Variants in RIPK1 observed in about 807,000 individuals in gnomAD.
RIPK1 encodes the protein receptor-interacting serine/threonine-protein kinase 1.
RIPK1 carries 27 observed loss-of-function variants against 62.4 expected under a neutral mutation model. The ratio of observed to expected loss-of-function variants is 0.43; its 90% CI spans 0.32 to 0.60. The LOEUF (loss-of-function observed/expected upper bound fraction) is 0.60. Ranked by LOEUF, RIPK1 falls within the 20% of genes least tolerant of loss-of-function variation. The pLI, the probability that RIPK1 is intolerant of heterozygous loss-of-function variation, is 0.07. For synonymous variants in RIPK1, 287 were observed against 303.2 expected (o/e 0.95, Z 0.55); for missense variants, 735 against 831.0 (o/e 0.88, Z 1.42).
At chr6:3,106,133 T>G in intron 9 of RIPK1, 82 bp downstream of exon 9, 4 of 1,101,494 alleles carry the variant, frequency 3.6e-6, no homozygotes, top group Non-Finnish European at 5.2e-6. Flanking sequence ...TATTATAGAT[T>G]GTGGGTTATA....
intron 6 of RIPK1, among the ~76,000 whole-genome samples, chr6:3,089,271 C>T (rs1759888595): frequency 6.6e-6 from 1 of 152,194 alleles, no homozygotes; most frequent in Admixed American, 6.5e-5. Flanking sequence ...TCGCCCATCC[C>T]TGTTCAGCTG....
intron 1 of RIPK1, among the ~76,000 whole-genome samples, chr6:3,073,410 A>G (rs2113557550): frequency 6.6e-6 from 1 of 152,196 alleles, no homozygotes; most frequent in East Asian, 1.9e-4. Context: ...TAAGTGCCCC[A>G]AGGTCACAGG....
At chr6:3,079,806 G>C (rs1259935894) in intron 3 of RIPK1, among the ~76,000 whole-genome samples, 3 of 152,206 alleles carry the variant, frequency 2.0e-5, no homozygotes, top group Non-Finnish European at 2.9e-5. Flanking sequence ...TCAGCTGTTT[G>C]AAGTAAACAT....
At chr6:3,070,611 T>A (rs1758660495) in intron 1 of RIPK1, among the ~76,000 whole-genome samples, 1 of 152,212 alleles carries the variant, frequency 6.6e-6, no homozygotes, top group Non-Finnish European at 1.5e-5. Context: ...CTAATTTTTG[T>A]ATTTTTAGTA....
intron 5 of RIPK1, among the ~76,000 whole-genome samples, chr6:3,084,567 T>A (rs909404589): frequency 4.7e-5 from 7 of 150,318 alleles, no homozygotes; most frequent in Non-Finnish European, 1.0e-4. Flanking sequence ...GTCAGGTTTG[T>A]GCTACTGGAA....
intron 4 of RIPK1, among the ~76,000 whole-genome samples, chr6:3,082,236 T>C (rs1279493539): frequency 6.6e-6 from 1 of 152,220 alleles, no homozygotes; most frequent in African/African-American, 2.4e-5. Flanking sequence ...TAGCGCTTTG[T>C]CCTAGTCTTG....
intron 2 of RIPK1, 93 bp downstream of exon 2, chr6:3,077,080 G>A (rs1381581759): frequency 7.2e-6 from 9 of 1,251,332 alleles, no homozygotes; most frequent in Non-Finnish European, 9.9e-6. Flanking sequence ...AGCCGTTGGT[G>A]GGTAGAGTGA....
intron 1 of RIPK1, 68 bp from the exon 2 acceptor site, chr6:3,076,696 A>AT (rs1554113472): frequency 0.69 from 165,025 of 238,128 alleles, 60,574 homozygotes; most frequent in Admixed American, 0.76. Context: ...AGAAAAAAAA[A>AT]AACATATATA....
At chr6:3,073,999 T>C (rs1386600628) in intron 1 of RIPK1, among the ~76,000 whole-genome samples, 1 of 152,192 alleles carries the variant, frequency 6.6e-6, no homozygotes, top group East Asian at 1.9e-4. Flanking sequence ...TCAGTACACA[T>C]CTCGAAATAC....
upstream of RIPK1, among the ~76,000 whole-genome samples, chr6:3,066,109 C>T (rs540045378): frequency 4.6e-5 from 7 of 152,170 alleles, no homozygotes; most frequent in African/African-American, 1.7e-4. Flanking sequence ...CTGCAACCTC[C>T]GCCTTCTGGG....
chr6:3,065,091 A>G (rs1196887680), upstream of RIPK1, among the ~76,000 whole-genome samples: 1 of 151,686 alleles, frequency 6.6e-6, no homozygotes, highest in African/African-American at 2.4e-5. Context: ...AAAAAAGAAA[A>G]AAAAGAATAC....
In RIPK1 at chr6:3,072,566, A is replaced by G. The variant is rs1447733066; in HGVS notation, c.-61+3905A>G. Among the ~76,000 whole-genome samples the G allele has an allele frequency of 6.6e-6, 1 of 152,154 alleles. No individual in the cohort carries two copies. The highest frequency in any genetic ancestry group is 1.5e-5 in the Non-Finnish European group (1 of 68,040). On this transcript the variant is annotated intron_variant, in intron 1 of 10. Transcript: ENST00000259808. This position sits in a 1 kb window ranked among gnomAD's most constrained non-coding sequence, Gnocchi z 5.6. The stretch of plus-strand genomic sequence containing the variant: ...AAATAGTTCTCTTTTTAAAATAGTT[A>G]TTCAATTGATGATGGGCCGGCATAC...
intron 7 of RIPK1, among the ~76,000 whole-genome samples, chr6:3,099,862 TC>T (rs1760505682): frequency 6.6e-6 from 1 of 152,242 alleles, no homozygotes. Flanking sequence ...CTCTCAGTAA[TC>T]TATACTGCTC....
At chr6:3,099,748 G>A (rs2113674638) in intron 7 of RIPK1, among the ~76,000 whole-genome samples, 1 of 152,278 alleles carries the variant, frequency 6.6e-6, no homozygotes, top group South Asian at 2.1e-4. Flanking sequence ...TGAAAATGCA[G>A]AATAACAAGC....
At chr6:3,086,768 C>T (rs568905633) in intron 6 of RIPK1, among the ~76,000 whole-genome samples, 1 of 152,210 alleles carries the variant, frequency 6.6e-6, no homozygotes, top group African/African-American at 2.4e-5. Flanking sequence ...AGTTCCATTA[C>T]ATACGCATGA....
At chr6:3,069,265 G>A (rs752996364) in intron 1 of RIPK1, among the ~76,000 whole-genome samples, 1 of 152,226 alleles carries the variant, frequency 6.6e-6, no homozygotes, top group African/African-American at 2.4e-5. Context: ...TGCGCTTGAG[G>A]CCGCAGCAGG....
chr6:3,065,773 TC>T (rs781060000), upstream of RIPK1, among the ~76,000 whole-genome samples: 16 of 152,238 alleles, frequency 1.1e-4, no homozygotes, highest in Non-Finnish European at 1.8e-4. Context: ...TTGGGCTGTT[TC>T]TTGCCTTTTC....
chr6:3,086,855 T>C (rs1759720519), intron 6 of RIPK1, among the ~76,000 whole-genome samples: 1 of 152,244 alleles, frequency 6.6e-6, no homozygotes, highest in African/African-American at 2.4e-5. Flanking sequence ...AAGGTGGAGC[T>C]GAAAGTCCCA....
intron 7 of RIPK1, among the ~76,000 whole-genome samples, chr6:3,096,959 C>T (rs1760348061): frequency 6.6e-6 from 1 of 152,058 alleles, no homozygotes; most frequent in African/African-American, 2.4e-5. Flanking sequence ...AAACCTCTGC[C>T]TCCCGCGTTC....
Sources: gnomAD v4.1 joint callset for allele counts (sites outside exome capture counted in the v4.1 genomes callset) on GRCh38, gnomAD v4.1.1 for gene constraint, Gnocchi (gnomAD v3.1) non-coding constraint, MANE v1.5 for transcripts, NCBI Gene and HGNC (gene_info 2026-07-23, HGNC 2026-07-21) for gene names.